Variants in GRIK3 observed in about 807,000 individuals in gnomAD.
The protein encoded by GRIK3 is glutamate ionotropic receptor kainate type subunit 3.
GRIK3 carries 29 observed loss-of-function variants against 102.5 expected under a neutral mutation model. The ratio of observed to expected loss-of-function variants is 0.28; its 90% CI spans 0.21 to 0.39. The LOEUF (loss-of-function observed/expected upper bound fraction) is 0.39, where lower values mean the gene tolerates loss of function less well. Among genes scored for constraint, GRIK3 ranks in the 10% least tolerant of loss-of-function variants. The pLI is 1.00. For missense variants in GRIK3, 908 were observed against 1,252.4 expected, an observed-to-expected ratio of 0.73 and a Z score of 4.15; for synonymous variants, 511 against 504.9, an observed-to-expected ratio of 1.01 and a Z score of -0.16.
intron 5 of GRIK3, among the ~76,000 whole-genome samples, chr1:36,867,197 G>A (rs974354565): frequency 1.3e-5 from 2 of 152,076 alleles, no homozygotes; most frequent in African/African-American, 4.8e-5. Context: ...AGCTACCCTG[G>A]GTACATCATA....
chr1:36,823,553 ATCTC>A (rs1372403115), intron 11 of GRIK3, among the ~76,000 whole-genome samples: 1 of 151,608 alleles, frequency 6.6e-6, no homozygotes, highest in African/African-American at 2.4e-5. Context: ...AAAAATCCAA[ATCTC>A]TCTCTCAGGA....
chr1:36,893,154 A>G (rs977971250), intron 1 of GRIK3, among the ~76,000 whole-genome samples: 18 of 152,194 alleles, frequency 1.2e-4, no homozygotes, highest in Non-Finnish European at 2.2e-4. Context: ...AAGCCTTTCA[A>G]AAACATCAGA....
intron 11 of GRIK3, among the ~76,000 whole-genome samples, chr1:36,821,057 G>T (rs1353832529): frequency 6.6e-6 from 1 of 152,122 alleles, no homozygotes; most frequent in Non-Finnish European, 1.5e-5. Flanking sequence ...CAAGTCTAGT[G>T]GAATTTTGTT....
intron 1 of GRIK3, among the ~76,000 whole-genome samples, chr1:36,979,259 C>A (rs919711733): frequency 6.6e-6 from 1 of 152,266 alleles, no homozygotes; most frequent in South Asian, 2.1e-4. Flanking sequence ...TGCAAGGAAC[C>A]ATTCACACTC....
chr1:36,861,941 TG>T (rs1227067468), intron 5 of GRIK3, among the ~76,000 whole-genome samples: 3 of 151,340 alleles, frequency 2.0e-5, no homozygotes, highest in Non-Finnish European at 4.4e-5. Context: ...CAGTAGGGAG[TG>T]GGGGGTGGCA....
At chr1:36,868,668 G>T (rs1242340746) in intron 5 of GRIK3, among the ~76,000 whole-genome samples, 2 of 152,234 alleles carry the variant, frequency 1.3e-5, no homozygotes. Context: ...GCCAGCTCCT[G>T]CATACCATGA....
At chr1:37,013,536 C>G (rs763755293) in intron 1 of GRIK3, among the ~76,000 whole-genome samples, 9 of 152,190 alleles carry the variant, frequency 5.9e-5, no homozygotes, top group Non-Finnish European at 1.0e-4. Flanking sequence ...AGTAGGCTCC[C>G]TTAGGGCTCT....
At chr1:36,975,047 G>T (rs890619895) in intron 1 of GRIK3, among the ~76,000 whole-genome samples, 3 of 152,096 alleles carry the variant, frequency 2.0e-5, no homozygotes, top group Non-Finnish European at 2.9e-5. Flanking sequence ...TGTTTGAGAT[G>T]ATAAAACAGT....
intron 1 of GRIK3, among the ~76,000 whole-genome samples, chr1:37,015,032 A>G (rs558904331): frequency 7.9e-4 from 120 of 151,654 alleles, no homozygotes; most frequent in Non-Finnish European, 1.4e-3. Context: ...AATTCCCTAC[A>G]TTGGTTCATT....
chr1:36,963,011 A>G (rs72670037), intron 1 of GRIK3, among the ~76,000 whole-genome samples: 16,764 of 152,058 alleles, frequency 0.11, 1,150 homozygotes, highest in African/African-American at 0.2. Context: ...AGGGTGAAGG[A>G]AGACAGAGTC....
intron 1 of GRIK3, among the ~76,000 whole-genome samples, chr1:36,917,566 A>G (rs909334836): frequency 6.6e-6 from 1 of 152,190 alleles, no homozygotes; most frequent in Non-Finnish European, 1.5e-5. Context: ...TGTTCTCATG[A>G]TAGTGAATAA....
intron 1 of GRIK3, among the ~76,000 whole-genome samples, chr1:36,904,734 G>A (rs537165491): frequency 1.3e-5 from 2 of 152,282 alleles, no homozygotes; most frequent in Admixed American, 6.5e-5. Flanking sequence ...GATTCAAAAT[G>A]TGGGAAGAAT....
At chr1:36,812,921 C>T (rs987718046) in intron 13 of GRIK3, among the ~76,000 whole-genome samples, 4 of 152,248 alleles carry the variant, frequency 2.6e-5, no homozygotes, top group Non-Finnish European at 2.9e-5. Flanking sequence ...ACTTGGCTGC[C>T]GCCATCTTTA....
At chr1:36,896,782 AG>A (rs1408829903) in intron 1 of GRIK3, among the ~76,000 whole-genome samples, 1 of 152,200 alleles carries the variant, frequency 6.6e-6, no homozygotes, top group Non-Finnish European at 1.5e-5. Flanking sequence ...TTAACTATAC[AG>A]GTGCACATAA....
chr1:36,865,956 G>T (rs1013021346), intron 5 of GRIK3, among the ~76,000 whole-genome samples: 1 of 152,138 alleles, frequency 6.6e-6, no homozygotes, highest in Non-Finnish European at 1.5e-5. Flanking sequence ...CTTAGCTCAC[G>T]GTAGCCTCTA....
chr1:36,904,251 G>A (rs760003089), intron 1 of GRIK3, among the ~76,000 whole-genome samples: 2 of 152,236 alleles, frequency 1.3e-5, no homozygotes, highest in African/African-American at 2.4e-5. Context: ...GTGTGTACGC[G>A]TGTGCATCCA....
chr1:36,852,384 G>A (rs1640595679), intron 8 of GRIK3, among the ~76,000 whole-genome samples: 1 of 152,210 alleles, frequency 6.6e-6, no homozygotes, highest in African/African-American at 2.4e-5. Context: ...GGGCAATTGT[G>A]TGGGCAATGG....
intron 1 of GRIK3, among the ~76,000 whole-genome samples, chr1:37,032,510 G>C (rs551424081): frequency 3.3e-5 from 5 of 152,200 alleles, no homozygotes; most frequent in African/African-American, 4.8e-5. Context: ...GAGGCTTCCT[G>C]CCCCTGGAAT....
intron 1 of GRIK3, among the ~76,000 whole-genome samples, chr1:36,939,834 G>A (rs971524827): frequency 2.6e-5 from 4 of 151,756 alleles, no homozygotes; most frequent in Non-Finnish European, 5.9e-5. Flanking sequence ...CCTTGTTCAG[G>A]AAGGGCTGCC....
Sources: allele counts gnomAD v4.1 joint callset (sites outside exome capture counted in the v4.1 genomes callset), GRCh38; gene constraint gnomAD v4.1.1; transcripts MANE v1.5; gene names NCBI Gene and HGNC (gene_info 2026-07-23, HGNC 2026-07-21).